DDC: variants seen among roughly 807,000 people sequenced by gnomAD.
DDC encodes aromatic-L-amino-acid decarboxylase.
A neutral mutation model predicts 60.0 loss-of-function variants in DDC; 43 were observed. That is an observed-to-expected ratio of 0.72 (90% CI 0.56 to 0.92). The LOEUF is 0.92. DDC is among the 40% of genes least tolerant of loss of function. DDC has a pLI of 0.00. For synonymous variants in DDC, 232 were observed against 234.6 expected, an observed-to-expected ratio of 0.99 and a Z score of 0.10; for missense variants, 573 against 620.2, an observed-to-expected ratio of 0.92 and a Z score of 0.81.
At chr7:50,508,382 G>A (rs1282479445) in intron 6 of DDC, among the ~76,000 whole-genome samples, 1 of 152,212 alleles carries the variant, frequency 6.6e-6, no homozygotes, top group African/African-American at 2.4e-5. Context: ...ATCTCAAAGA[G>A]CCCACAGTCT....
intron 1 of DDC, among the ~76,000 whole-genome samples, chr7:50,557,002 A>C (rs1029919476): frequency 6.6e-6 from 1 of 152,228 alleles, no homozygotes; most frequent in Non-Finnish European, 1.5e-5. Flanking sequence ...CCGCAAGCTC[A>C]TGCAGGCAGA....
Position 50,503,978 on chromosome 7 carries a change from G to T in DDC, c.781+15C>A, listed in dbSNP as rs1431060673. 1.3e-6 allele frequency: 2 copies of T among 1,598,832 alleles called. No individual in the cohort carries two copies. The highest frequency in any genetic ancestry group is 2.2e-5 in the South Asian group (2 of 90,764). ...GAGAACATTTTCCAAAAAGAAAATG[G>T]AATCGGATACTTACAGATAGGACCG... On this transcript the variant is annotated intron_variant, in intron 7 of 14. Transcript: ENST00000444124.
chr7:50,530,718 A>G (rs972012483), intron 4 of DDC, among the ~76,000 whole-genome samples: 3 of 152,144 alleles, frequency 2.0e-5, no homozygotes, highest in Admixed American at 2.0e-4. Flanking sequence ...CTTCCCTCTT[A>G]AGTAAGTCGT....
intron 4 of DDC, among the ~76,000 whole-genome samples, chr7:50,531,534 T>G (rs539687270): frequency 6.6e-6 from 1 of 151,954 alleles, no homozygotes; most frequent in Non-Finnish European, 1.5e-5. Context: ...TGAGTCACCA[T>G]GAATCACCTG....
At chr7:50,548,755 C>T (rs760715726) in intron 1 of DDC, among the ~76,000 whole-genome samples, 14 of 152,150 alleles carry the variant, frequency 9.2e-5, no homozygotes, top group African/African-American at 1.7e-4. Context: ...AAGGTGGCTA[C>T]GGTAAACCAT....
chr7:50,476,199 A>C (rs1562987475), intron 11 of DDC, among the ~76,000 whole-genome samples: 1 of 152,238 alleles, frequency 6.6e-6, no homozygotes, highest in African/African-American at 2.4e-5. Context: ...AAAACGAGAG[A>C]GGACCAATGC....
chr7:50,543,733 T>C, intron 2 of DDC, 152 bp downstream of exon 2: 1 of 777,932 alleles, frequency 1.3e-6, no homozygotes, highest in East Asian at 2.7e-5. Flanking sequence ...TGAGCCTCAG[T>C]TTCCTCAGTT....
At chr7:50,460,620 G>C (rs190619865) in intron 14 of DDC, among the ~76,000 whole-genome samples, 2 of 151,626 alleles carry the variant, frequency 1.3e-5, no homozygotes, top group African/African-American at 2.4e-5. Flanking sequence ...GGGGAAAGGC[G>C]GGGAAAGGAT....
chr7:50,470,246 G>T, intron 11 of DDC, 75 bp from the exon 12 acceptor site: 2 of 1,122,538 alleles, frequency 1.8e-6, no homozygotes, highest in South Asian at 1.2e-5. Context: ...TCACCGGCTC[G>T]CCTATTTCTC....
intron 6 of DDC, among the ~76,000 whole-genome samples, chr7:50,518,831 A>G (rs888546455): frequency 5.9e-5 from 9 of 152,244 alleles, no homozygotes; most frequent in Non-Finnish European, 1.0e-4. Context: ...TGGCTTAGGC[A>G]AGGATTTCAT....
intron 9 of DDC, among the ~76,000 whole-genome samples, chr7:50,488,722 TAAAC>T (rs1465231306): frequency 1.3e-5 from 2 of 152,166 alleles, no homozygotes; most frequent in African/African-American, 4.8e-5. Flanking sequence ...AATACACTAA[TAAAC>T]TAAAAAAATT....
intron 5 of DDC, among the ~76,000 whole-genome samples, chr7:50,528,792 G>A (rs184512069): frequency 1.3e-5 from 2 of 152,040 alleles, no homozygotes; most frequent in African/African-American, 4.8e-5. Flanking sequence ...CATGAAAGCC[G>A]GCCACCTTTT....
chr7:50,493,042 T>C lies in DDC; in HGVS notation c.944+2308A>G. 4 of 1,533,438 alleles carry C rather than the reference T, an allele frequency of 2.6e-6. No homozygotes were observed. The South Asian group carries it at 4.5e-5, about 17-fold the overall frequency. 95.0% of individuals were successfully genotyped at this position (1,533,438 alleles called of 1,614,324 possible). A position where few individuals can be genotyped will look rare whatever the true frequency, so the allele number is the denominator to read the frequency against. On this transcript the variant is annotated intron_variant, in intron 9 of 14. Transcript: ENST00000444124. ...ACGCCGCATTCATTACACTCCTTCT[T>C]ATCGTGTGTCAATATTTGCCTCCAA...
At chr7:50,462,135 C>G (rs1027722014) in intron 14 of DDC, among the ~76,000 whole-genome samples, 1 of 143,528 alleles carries the variant, frequency 7.0e-6, no homozygotes, top group Non-Finnish European at 1.5e-5. Flanking sequence ...TTATAATGAA[C>G]GAGCCATTGC....
intron 14 of DDC, among the ~76,000 whole-genome samples, chr7:50,462,624 C>T (rs2042302740): frequency 6.6e-6 from 1 of 152,148 alleles, no homozygotes; most frequent in African/African-American, 2.4e-5. Context: ...AGTAAGTTAT[C>T]TCAACAAATG....
At chr7:50,485,288 G>T (rs544234106) in intron 9 of DDC, among the ~76,000 whole-genome samples, 2 of 152,254 alleles carry the variant, frequency 1.3e-5, no homozygotes, top group African/African-American at 4.8e-5. Context: ...AATATCAAAT[G>T]AACAATAAGA....
At chr7:50,531,538 T>G (rs958522392) in intron 4 of DDC, among the ~76,000 whole-genome samples, 3 of 151,926 alleles carry the variant, frequency 2.0e-5, no homozygotes, top group South Asian at 2.1e-4. Flanking sequence ...TCACCATGAA[T>G]CACCTGAATC....
intron 9 of DDC, among the ~76,000 whole-genome samples, chr7:50,490,327 A>C (rs1048549399): frequency 6.6e-6 from 1 of 152,214 alleles, no homozygotes; most frequent in Non-Finnish European, 1.5e-5. Flanking sequence ...CAATTCATAC[A>C]GGTATCTATA....
intron 9 of DDC, among the ~76,000 whole-genome samples, chr7:50,489,897 G>T (rs921730252): frequency 6.6e-6 from 1 of 152,074 alleles, no homozygotes; most frequent in Non-Finnish European, 1.5e-5. Context: ...TATATATTTT[G>T]GTCAAGATGA....
Sources: gnomAD v4.1 joint callset for allele counts (sites outside exome capture counted in the v4.1 genomes callset) on GRCh38, gnomAD v4.1.1 for gene constraint, MANE v1.5 for transcripts, NCBI Gene and HGNC (gene_info 2026-07-23, HGNC 2026-07-21) for gene names.